Variants in NSRP1 observed in about 807,000 individuals in gnomAD.
NSRP1 encodes the protein coiled-coil domain containing 55.
Under a neutral mutation model 54.7 loss-of-function variants are expected in NSRP1, and 24 were observed. The ratio of observed to expected loss-of-function variants is 0.44; its 90% CI spans 0.32 to 0.62. NSRP1 has a LOEUF of 0.62. NSRP1 is among the 20% of genes least tolerant of loss of function. The pLI is 0.06. For synonymous variants in NSRP1, 210 were observed against 213.8 expected (o/e 0.98, Z 0.15); for missense variants, 596 against 651.2 (o/e 0.92, Z 0.92).
intron 2 of NSRP1, among the ~76,000 whole-genome samples, chr17:30,138,994 T>C (rs992901912): frequency 4.4e-5 from 6 of 136,724 alleles, no homozygotes; most frequent in Admixed American, 3.3e-4. Flanking sequence ...CTTGGCTCAC[T>C]GCAAGCTCCG....
rs1030744444 is a variant in NSRP1 at position 30,182,620 on chromosome 17, G to A, written c.617+1604G>A. Among the ~76,000 whole-genome samples the A allele has an allele frequency of 4.2e-5, 6 of 141,188 alleles. 1 individual carries two copies. The South Asian group carries it at 9.1e-4, about 22-fold the overall frequency. The allele number at this position is 141,188 out of a possible 152,430, so 92.6% of individuals were successfully genotyped here. On this transcript the variant is annotated intron_variant, in intron 6 of 6. Coordinates refer to ENST00000247026, the MANE Select transcript of NSRP1 (RefSeq NM_032141.4). ...TAGCGCCACTGCACTCCAACCTGGCGACAGAGCCAGACTCCATCTCAAAAA... is the reference window on the plus strand; with the variant it reads ...TAGCGCCACTGCACTCCAACCTGGCAACAGAGCCAGACTCCATCTCAAAAA...
intron 2 of NSRP1, among the ~76,000 whole-genome samples, chr17:30,142,413 ACTC>A (rs1381126386): frequency 6.6e-6 from 1 of 151,856 alleles, no homozygotes; most frequent in Non-Finnish European, 1.5e-5. Context: ...GCAGCCTCGA[ACTC>A]CTGGGCTCAA....
chr17:30,130,782 T>G (rs2071692454), intron 2 of NSRP1, among the ~76,000 whole-genome samples: 2 of 152,218 alleles, frequency 1.3e-5, no homozygotes, highest in Non-Finnish European at 2.9e-5. Flanking sequence ...ATACACTGTT[T>G]CTTTTTCTCT....
intron 2 of NSRP1, among the ~76,000 whole-genome samples, chr17:30,151,077 A>T (rs2071904815): frequency 1.3e-5 from 2 of 151,900 alleles, no homozygotes; most frequent in Admixed American, 6.6e-5. Flanking sequence ...TTTGATTTGC[A>T]TTTCCCCAGT....
Position 30,178,103 on chromosome 17 carries a change from A to C in NSRP1, c.204A>C (p.Glu68Asp). The C allele has an allele frequency of 6.2e-7, 1 of 1,612,310 alleles. No individual in the cohort carries two copies. The highest frequency in any genetic ancestry group is 8.5e-7 in the Non-Finnish European group (1 of 1,179,536). Residue 68 changes from glutamate to aspartate, a missense_variant, in exon 4 of 7, where the codon GAA (glutamate) becomes GAC (aspartate). Glu to Asp is a conservative substitution (Grantham distance 45). Coordinates refer to ENST00000247026, the MANE Select transcript of NSRP1 (RefSeq NM_032141.4). ...TGGAAATCCAGAAGGCCCTTGCAGAAGATGCTACTGTGTATGAATATGACA... is the reference window on the plus strand; with the variant it reads ...TGGAAATCCAGAAGGCCCTTGCAGACGATGCTACTGTGTATGAATATGACA... ...TKLEIQKALA[E>D]DATVYEYDSI...
At chr17:30,161,365 T>G (rs985908867) in intron 2 of NSRP1, among the ~76,000 whole-genome samples, 2 of 152,202 alleles carry the variant, frequency 1.3e-5, no homozygotes, top group Admixed American at 6.6e-5. Context: ...CATTTTTGTC[T>G]CTTGTCTGTG....
chr17:30,142,767 A>C (rs1255163649), intron 2 of NSRP1, among the ~76,000 whole-genome samples: 2 of 152,328 alleles, frequency 1.3e-5, no homozygotes, highest in Non-Finnish European at 2.9e-5. Flanking sequence ...TGTTGTCTCC[A>C]TCCGACTTTG....
chr17:30,142,124 G>A (rs984478529), intron 2 of NSRP1, among the ~76,000 whole-genome samples: 1 of 152,112 alleles, frequency 6.6e-6, no homozygotes, highest in African/African-American at 2.4e-5. Flanking sequence ...AACAATTTGT[G>A]TATCTCGTCC....
chr17:30,153,012 C>G (rs1476189765), intron 2 of NSRP1, among the ~76,000 whole-genome samples: 1 of 143,460 alleles, frequency 7.0e-6, no homozygotes, highest in Non-Finnish European at 1.5e-5. Flanking sequence ...CTCCCAGGTT[C>G]AAGTGATTCT....
rs147751589 is a variant in NSRP1 at position 30,142,191 on chromosome 17, A to G, written c.114+24018A>G. On this transcript the variant is annotated intron_variant, in intron 2 of 6. Coordinates refer to ENST00000247026, the MANE Select transcript of NSRP1 (RefSeq NM_032141.4). ...TTTCTCACTGGTCTACATGATTTTT[A>G]TAAGTGTGGTGTGGTAGTTTTCCAC... Among the ~76,000 whole-genome samples, 729 of 152,264 alleles carry G rather than the reference A, an allele frequency of 4.8e-3. 6 individuals are homozygous for G. The highest frequency in any genetic ancestry group is 0.017 in the African/African-American group (698 of 41,538).
chr17:30,155,365 G>A (rs539656861), intron 2 of NSRP1, among the ~76,000 whole-genome samples: 6 of 152,004 alleles, frequency 3.9e-5, no homozygotes, highest in East Asian at 1.9e-4. Flanking sequence ...ATATGCAGGC[G>A]TGTGTGTTTT....
At chr17:30,171,934 T>TCACACA (rs746244255) in intron 2 of NSRP1, among the ~76,000 whole-genome samples, 3,115 of 113,348 alleles carry the variant, frequency 0.027, 43 homozygotes, top group South Asian at 0.031. Flanking sequence ...TCCCCATTTC[T>TCACACA]CACACACACA....
In NSRP1 at chr17:30,178,118, T is replaced by C. The variant is rs138334739; in HGVS notation, c.219T>C (p.Tyr73=). 57 of 1,610,270 alleles carry C rather than the reference T, an allele frequency of 3.5e-5. No homozygotes were observed. Among genetic ancestry groups the C allele is most frequent in the Non-Finnish European group, 4.8e-5 (57 of 1,178,320 alleles). Residue 73 remains tyrosine (Y), a synonymous_variant, in exon 4 of 7, where the codon TAT becomes TAC. Transcript: ENST00000247026. ...QKALAEDATV[Y]EYDSIYDEMQ... ...CCCTTGCAGAAGATGCTACTGTGTA[T>C]GAATATGACAGTATTTATGATGAAA...
At chr17:30,182,718 A>C (rs1905352729) in intron 6 of NSRP1, among the ~76,000 whole-genome samples, 1 of 152,082 alleles carries the variant, frequency 6.6e-6, no homozygotes, top group East Asian at 1.9e-4. Flanking sequence ...GCGGATTGCG[A>C]GGTCAGGAGA....
At chr17:30,138,537 C>G (rs2071769678) in intron 2 of NSRP1, among the ~76,000 whole-genome samples, 1 of 152,102 alleles carries the variant, frequency 6.6e-6, no homozygotes, top group East Asian at 1.9e-4. Flanking sequence ...TAGTTATACT[C>G]TATTGTTTAG....
intron 3 of NSRP1, among the ~76,000 whole-genome samples, chr17:30,177,279 G>A (rs1475985690): frequency 6.6e-6 from 1 of 151,926 alleles, no homozygotes; most frequent in Non-Finnish European, 1.5e-5. Context: ...GCTGAAGTGA[G>A]AGGATCACTT....
chr17:30,175,652 G>A (rs922228472), intron 3 of NSRP1, among the ~76,000 whole-genome samples: 5 of 151,950 alleles, frequency 3.3e-5, no homozygotes, highest in East Asian at 1.9e-4. Context: ...AGATCCGCCC[G>A]TCTTCGCCCC....
chr17:30,121,163 C>T (rs923931511), intron 2 of NSRP1, among the ~76,000 whole-genome samples: 1 of 152,058 alleles, frequency 6.6e-6, no homozygotes, highest in Admixed American at 6.5e-5. Flanking sequence ...TTAAATTTTT[C>T]GTATAAAATT....
At chr17:30,124,802 A>G (rs907152788) in intron 2 of NSRP1, among the ~76,000 whole-genome samples, 22 of 152,232 alleles carry the variant, frequency 1.4e-4, no homozygotes, top group Admixed American at 1.3e-4. Context: ...ACGGAATATA[A>G]AACCATTCCT....
Sources: allele counts gnomAD v4.1 joint callset (sites outside exome capture counted in the v4.1 genomes callset), GRCh38; gene constraint gnomAD v4.1.1; transcripts MANE v1.5; gene names NCBI Gene and HGNC (gene_info 2026-07-23, HGNC 2026-07-21).